The following RUNDC3B variants were observed in gnomAD, a reference collection of about 807,000 sequenced individuals.
RUNDC3B encodes RUN domain containing 3B.
Under a neutral mutation model 58.4 loss-of-function variants are expected in RUNDC3B, and 33 were observed. The observed-to-expected ratio is 0.56, with a 90% confidence interval of 0.43 to 0.75. The LOEUF (loss-of-function observed/expected upper bound fraction) is 0.75. Among genes scored for constraint, RUNDC3B ranks in the 30% least tolerant of loss-of-function variants. The pLI is 0.00. For synonymous variants in RUNDC3B, 193 were observed against 195.2 expected, an observed-to-expected ratio of 0.99 and a Z score of 0.10; for missense variants, 501 against 535.7, an observed-to-expected ratio of 0.94 and a Z score of 0.64.
intron 4 of RUNDC3B, among the ~76,000 whole-genome samples, chr7:87,712,597 G>T (rs185401345): frequency 6.6e-6 from 1 of 152,022 alleles, no homozygotes; most frequent in Non-Finnish European, 1.5e-5. Context: ...AAATGATTGG[G>T]TGGGGTAGAA....
chr7:87,699,922 T>C, intron 2 of RUNDC3B, among the ~76,000 whole-genome samples: 1 of 152,176 alleles, frequency 6.6e-6, no homozygotes, highest in East Asian at 1.9e-4. Flanking sequence ...TGATTTTATT[T>C]ATTTATAAAG....
intron 6 of RUNDC3B, among the ~76,000 whole-genome samples, chr7:87,753,223 A>T (rs990364053): frequency 2.7e-5 from 4 of 150,672 alleles, no homozygotes; most frequent in Non-Finnish European, 4.4e-5. Context: ...GTTTGATTGC[A>T]CTGTGGTCTG....
intron 6 of RUNDC3B, among the ~76,000 whole-genome samples, chr7:87,752,047 C>A (rs911715578): frequency 6.6e-6 from 1 of 152,098 alleles, no homozygotes; most frequent in African/African-American, 2.4e-5. Flanking sequence ...GAAATATGTC[C>A]CATCAATACC....
chr7:87,748,122 C>T (rs1251839457), intron 6 of RUNDC3B, among the ~76,000 whole-genome samples: 1 of 152,188 alleles, frequency 6.6e-6, no homozygotes, highest in African/African-American at 2.4e-5. Flanking sequence ...CAGGAATGGC[C>T]TTCTTGGGCA....
chr7:87,657,100 A>T (rs554764600), intron 2 of RUNDC3B, among the ~76,000 whole-genome samples: 5 of 152,302 alleles, frequency 3.3e-5, no homozygotes, highest in African/African-American at 4.8e-5. Flanking sequence ...AACCCTGGGC[A>T]TTATACATAA....
At chr7:87,708,425 A>C (rs906626392) in intron 3 of RUNDC3B, among the ~76,000 whole-genome samples, 3 of 152,120 alleles carry the variant, frequency 2.0e-5, no homozygotes, top group Non-Finnish European at 2.9e-5. Context: ...TTAAAAAATT[A>C]CTCACCAAAA....
intron 4 of RUNDC3B, among the ~76,000 whole-genome samples, chr7:87,723,877 A>T (rs530828117): frequency 2.8e-4 from 42 of 152,178 alleles, no homozygotes; most frequent in Non-Finnish European, 4.9e-4. Flanking sequence ...TCCAAATATG[A>T]TAAAGCGTCT....
intron 8 of RUNDC3B, among the ~76,000 whole-genome samples, chr7:87,800,653 CTTTTT>C (rs571588791): frequency 7.3e-6 from 1 of 137,604 alleles, no homozygotes. Context: ...CTTTTCTTTT[CTTTTT>C]TTTTTTTTTT....
intron 4 of RUNDC3B, among the ~76,000 whole-genome samples, chr7:87,729,483 G>C (rs1296693238): frequency 6.6e-6 from 1 of 152,182 alleles, no homozygotes; most frequent in East Asian, 1.9e-4. Flanking sequence ...CCCTGTCACA[G>C]CAGAAAGCAA....
chr7:87,810,876 G>A (rs751496323), intron 9 of RUNDC3B, among the ~76,000 whole-genome samples: 3 of 152,006 alleles, frequency 2.0e-5, no homozygotes, highest in African/African-American at 4.8e-5. Context: ...CCATGTAAAA[G>A]CCTGTAATAC....
intron 6 of RUNDC3B, among the ~76,000 whole-genome samples, chr7:87,770,209 A>G (rs1472961121): frequency 6.6e-6 from 1 of 152,118 alleles, no homozygotes; most frequent in Non-Finnish European, 1.5e-5. Context: ...GCAGGCAGCA[A>G]TCCACCTCGG....
Position 87,704,294 on chromosome 7 carries a change from A to T in RUNDC3B, c.372+3740A>T, listed in dbSNP as rs544979928. Among the ~76,000 whole-genome samples, 9 of 152,294 alleles carry T rather than the reference A, an allele frequency of 5.9e-5. No individual in the cohort carries two copies. In the East Asian group the frequency reaches 1.5e-3, roughly 26 times the overall value. On this transcript the variant is annotated intron_variant, in intron 3 of 10. Transcript: ENST00000394654. ...TTTCTTTTGGCTAAGGTTTAGGCTA[A>T]GGTTAAAGATTAGCTGTAATTTGAA...
chr7:87,699,503 A>T (rs1828819042), intron 2 of RUNDC3B, among the ~76,000 whole-genome samples: 1 of 152,114 alleles, frequency 6.6e-6, no homozygotes, highest in South Asian at 2.1e-4. Context: ...TCTTGTGTTC[A>T]AGTGATCCTC....
intron 1 of RUNDC3B, among the ~76,000 whole-genome samples, chr7:87,639,388 T>C (rs1186547916): frequency 6.6e-6 from 1 of 152,148 alleles, no homozygotes; most frequent in Non-Finnish European, 1.5e-5. Context: ...GATTGCATGA[T>C]TTATATATGT....
intron 7 of RUNDC3B, among the ~76,000 whole-genome samples, chr7:87,777,558 A>C (rs1276712708): frequency 6.6e-6 from 1 of 152,208 alleles, no homozygotes; most frequent in African/African-American, 2.4e-5. Flanking sequence ...CAATGTTTTA[A>C]CTAAGTTTTG....
chr7:87,712,517 G>T (rs2130748749), intron 4 of RUNDC3B, among the ~76,000 whole-genome samples: 1 of 152,128 alleles, frequency 6.6e-6, no homozygotes, highest in Middle Eastern at 3.4e-3. Context: ...TCAAAGTTAT[G>T]ATAGTCTTTT....
intron 7 of RUNDC3B, among the ~76,000 whole-genome samples, chr7:87,775,313 T>C (rs1834558863): frequency 1.3e-5 from 2 of 152,188 alleles, no homozygotes; most frequent in South Asian, 4.1e-4. Flanking sequence ...AGTTAAAAAG[T>C]TTTTAAAATG....
At chr7:87,752,540 C>T (rs1392700417) in intron 6 of RUNDC3B, among the ~76,000 whole-genome samples, 1 of 152,092 alleles carries the variant, frequency 6.6e-6, no homozygotes, top group Non-Finnish European at 1.5e-5. Context: ...TTGATTATTG[C>T]CACAATTTCA....
At chr7:87,631,015 A>G (rs1437095314) in intron 1 of RUNDC3B, among the ~76,000 whole-genome samples, 1 of 152,220 alleles carries the variant, frequency 6.6e-6, no homozygotes, top group African/African-American at 2.4e-5. Flanking sequence ...TGTGAAATGA[A>G]TATGTGCTAA....
Sources: allele counts gnomAD v4.1 joint callset (sites outside exome capture counted in the v4.1 genomes callset), GRCh38; gene constraint gnomAD v4.1.1; transcripts MANE v1.5; gene names NCBI Gene and HGNC (gene_info 2026-07-23, HGNC 2026-07-21).